The following ADGRL3 variants were observed in gnomAD, a reference collection of about 807,000 sequenced individuals.
ADGRL3 encodes calcium-independent alpha-latrotoxin receptor 3.
ADGRL3 carries 62 observed loss-of-function variants against 153.5 expected under a neutral mutation model. The observed-to-expected ratio is 0.40, with a 90% CI of 0.33 to 0.50. The LOEUF (loss-of-function observed/expected upper bound fraction) is 0.50, where lower values mean the gene tolerates loss of function less well. Among genes scored for constraint, ADGRL3 ranks in the 20% least tolerant of loss-of-function variants. The probability of loss-of-function intolerance (pLI) is 0.47; values close to 1 mark genes in which losing one functional copy is unlikely to be tolerated. For synonymous variants in ADGRL3, 710 were observed against 672.5 expected, an observed-to-expected ratio of 1.06 and a Z score of -0.86; for missense variants, 1,641 against 1,859.4, an observed-to-expected ratio of 0.88 and a Z score of 2.16.
At chr4:62,019,445 T>G (rs1019797186) in intron 21 of ADGRL3, among the ~76,000 whole-genome samples, 13 of 152,092 alleles carry the variant, frequency 8.5e-5, no homozygotes, top group African/African-American at 2.9e-4. Context: ...GTCATTTGGC[T>G]TAGAATATGT....
intron 1 of ADGRL3, among the ~76,000 whole-genome samples, chr4:61,208,815 A>G (rs1738506155): frequency 6.6e-6 from 1 of 152,156 alleles, no homozygotes; most frequent in South Asian, 2.1e-4. Flanking sequence ...TGATATCAAG[A>G]TGACTCACTA....
At chr4:61,554,125 T>A (rs2098753657) in intron 4 of ADGRL3, among the ~76,000 whole-genome samples, 1 of 149,912 alleles carries the variant, frequency 6.7e-6, no homozygotes, top group African/African-American at 2.5e-5. Context: ...ACATTTTAAA[T>A]ATTGGATCCT....
intron 25 of ADGRL3, among the ~76,000 whole-genome samples, chr4:62,052,768 G>A (rs1305753952): frequency 1.3e-5 from 2 of 151,188 alleles, no homozygotes; most frequent in South Asian, 2.1e-4. Flanking sequence ...CTATAATCTT[G>A]TAGTAATAAA....
chr4:61,339,994 A>G (rs1229267616), intron 1 of ADGRL3, among the ~76,000 whole-genome samples: 1 of 152,222 alleles, frequency 6.6e-6, no homozygotes, highest in Non-Finnish European at 1.5e-5. Context: ...CCTGTTCAGG[A>G]TAAATCCTTG....
chr4:61,632,769 C>T (rs1360149590), intron 5 of ADGRL3, among the ~76,000 whole-genome samples: 1 of 152,114 alleles, frequency 6.6e-6, no homozygotes, highest in Non-Finnish European at 1.5e-5. Flanking sequence ...ATTATAATCA[C>T]AAGCTGAGAT....
chr4:61,835,683 G>T lies in ADGRL3; in HGVS notation c.1480+21794G>T, dbSNP rs1330477322. Among the ~76,000 whole-genome samples the T allele has an allele frequency of 5.9e-5, 9 of 152,194 alleles. No individual in the cohort carries two copies. The East Asian group carries it at 1.2e-3, about 20-fold the overall frequency. On this transcript the variant is annotated intron_variant, in intron 9 of 26. Coordinates refer to ENST00000683033, the MANE Select transcript of ADGRL3 (RefSeq NM_001387552.1). ...TTGGAATCTCCCCATGGGTAGTTTAGAGAAAGGAAAATTCAAGACAAGAAA... is the reference window on the plus strand; with the variant it reads ...TTGGAATCTCCCCATGGGTAGTTTATAGAAAGGAAAATTCAAGACAAGAAA...
Position 61,496,688 on chromosome 4 carries a change from T to C in ADGRL3, c.-173-433T>C, listed in dbSNP as rs561343596. On this transcript the variant is annotated intron_variant, in intron 2 of 26. Transcript: ENST00000683033. ...CGGGCGTGGTGGCTCACGCCTGTAA[T>C]CCCTGCACTTTGGGAGGCCCAGGAT... Among the ~76,000 whole-genome samples the C allele has an allele frequency of 5.3e-5, 8 of 151,920 alleles. 1 individual carries two copies. In the East Asian group the frequency reaches 1.4e-3, roughly 26 times the overall value.
chr4:61,713,156 G>A (rs2096032943), intron 6 of ADGRL3, among the ~76,000 whole-genome samples: 1 of 152,086 alleles, frequency 6.6e-6, no homozygotes, highest in Non-Finnish European at 1.5e-5. Context: ...CTTTTTAACA[G>A]TAATAAACAT....
intron 1 of ADGRL3, among the ~76,000 whole-genome samples, chr4:61,334,540 G>A (rs1248427098): frequency 6.6e-6 from 1 of 152,058 alleles, no homozygotes; most frequent in Non-Finnish European, 1.5e-5. Context: ...GTTTTCTGGG[G>A]CAACTCTCCT....
intron 8 of ADGRL3, among the ~76,000 whole-genome samples, chr4:61,807,375 A>G (rs763300887): frequency 2.0e-5 from 3 of 151,504 alleles, no homozygotes; most frequent in Non-Finnish European, 4.4e-5. Flanking sequence ...GCTTGCTACA[A>G]TAGATATTTG....
At chr4:61,420,458 GT>G (rs1392632715) in intron 2 of ADGRL3, 1 of 128,724 alleles carries the variant, frequency 7.8e-6, no homozygotes, top group African/African-American at 3.0e-5. Flanking sequence ...CCAGGCTGAA[GT>G]GCAGTGGCGC....
chr4:61,681,417 A>G (rs2095332523), intron 6 of ADGRL3, among the ~76,000 whole-genome samples: 1 of 152,018 alleles, frequency 6.6e-6, no homozygotes, highest in Admixed American at 6.6e-5. Flanking sequence ...TAAAGCATAT[A>G]TTACTTATTC....
At chr4:61,625,486 A>G (rs1416230140) in intron 5 of ADGRL3, among the ~76,000 whole-genome samples, 3 of 152,124 alleles carry the variant, frequency 2.0e-5, no homozygotes, top group African/African-American at 4.8e-5. Flanking sequence ...GAATTGGTGT[A>G]TGTATATATA....
chr4:61,519,332 T>A (rs1246304796), intron 4 of ADGRL3, among the ~76,000 whole-genome samples: 1 of 152,146 alleles, frequency 6.6e-6, no homozygotes, highest in Non-Finnish European at 1.5e-5. Flanking sequence ...CATTTTTAAA[T>A]CAATTTACAA....
chr4:61,732,687 A>G, intron 7 of ADGRL3, 67 bp from the exon 8 acceptor site: 1 of 881,384 alleles, frequency 1.1e-6, no homozygotes. Flanking sequence ...TTTGGTGAAA[A>G]ATAAGACTAT....
intron 19 of ADGRL3, among the ~76,000 whole-genome samples, chr4:61,987,219 G>T (rs1291291538): frequency 6.6e-6 from 1 of 151,346 alleles, no homozygotes; most frequent in Non-Finnish European, 1.5e-5. Flanking sequence ...AGGCTGGAGT[G>T]CAATGGCACG....
chr4:61,686,658 C>T (rs933352233), intron 6 of ADGRL3, among the ~76,000 whole-genome samples: 2 of 152,062 alleles, frequency 1.3e-5, no homozygotes, highest in Non-Finnish European at 1.5e-5. Context: ...AAAATACTCT[C>T]TTCCATCTAT....
intron 22 of ADGRL3, among the ~76,000 whole-genome samples, chr4:62,030,079 G>A (rs1721145510): frequency 6.6e-6 from 1 of 151,234 alleles, no homozygotes; most frequent in African/African-American, 2.4e-5. Context: ...TAAATATAGT[G>A]GGCATTTAAA....
chr4:61,897,527 C>T (rs2098638589), intron 11 of ADGRL3, among the ~76,000 whole-genome samples: 1 of 152,152 alleles, frequency 6.6e-6, no homozygotes, highest in African/African-American at 2.4e-5. Context: ...CCTATGCTGT[C>T]CCTCTGCACT....
Sources: gnomAD v4.1 joint callset for allele counts (sites outside exome capture counted in the v4.1 genomes callset) on GRCh38, gnomAD v4.1.1 for gene constraint, MANE v1.5 for transcripts, NCBI Gene and HGNC (gene_info 2026-07-23, HGNC 2026-07-21) for gene names.